The following PTPN2 variants were observed in gnomAD, a reference collection of about 807,000 sequenced individuals.
PTPN2 encodes the protein tyrosine-protein phosphatase non-receptor type 2.
In PTPN2, 19 loss-of-function variants were observed where a neutral mutation model predicts 57.3. That is an observed-to-expected ratio of 0.33 (90% CI 0.23 to 0.49). The LOEUF is 0.49. Among genes scored for constraint, PTPN2 ranks in the 20% least tolerant of loss-of-function variants. PTPN2 has a pLI of 0.99. For missense variants in PTPN2, 358 were observed against 501.1 expected (o/e 0.71, Z 2.73); for synonymous variants, 153 against 164.9 (o/e 0.93, Z 0.55).
At chr18:12,791,333 TCTTC>T (rs2040978885), downstream of PTPN2, among the ~76,000 whole-genome samples, 1 of 152,332 alleles carries the variant, frequency 6.6e-6, no homozygotes, top group African/African-American at 2.4e-5. Context: ...TATAATTTTT[TCTTC>T]CTTAAGCAAC....
rs779540709 is a variant in PTPN2 at position 12,794,374 on chromosome 18, A to G, written c.1152T>C (p.Tyr384=). 8.7e-6 allele frequency: 14 copies of G among 1,614,100 alleles called. No individual in the cohort carries two copies. In the East Asian group the frequency reaches 8.9e-5, roughly 10 times the overall value. The part of the protein sequence containing the change: ...ENERKRKRWL[Y]WQPILTKMGF... The stretch of plus-strand genomic sequence containing the variant: ...CCATCTTAGTGAGAATAGGTTGCCA[A>G]TATAACCACCTTTTTCTTTTTCGTT... The change falls in exon 9 of 9, where the codon TAT becomes TAC. Residue 384 remains tyrosine, a synonymous_variant. Transcript: ENST00000309660.
In PTPN2 at chr18:12,870,710, C is replaced by T. The variant is rs576622526; in HGVS notation, c.70-11456G>A. Among the ~76,000 whole-genome samples the T allele has an allele frequency of 3.7e-4, 56 of 151,106 alleles. 1 individual carries two copies. Among genetic ancestry groups the T allele is most frequent in the Non-Finnish European group, 2.1e-4 (14 of 67,904 alleles). ...GTTTTTAGTAGAGACGGGGTTTCAC[C>T]GTGTTAGCCAGGATGGTCTCGATCT... On this transcript the variant is annotated intron_variant, in intron 1 of 8. Coordinates refer to ENST00000309660, the MANE Select transcript of PTPN2 (RefSeq NM_002828.4).
chr18:12,825,789 T>C (rs780543945), intron 5 of PTPN2, 21 bp downstream of exon 5: 2 of 1,590,820 alleles, frequency 1.3e-6, no homozygotes, highest in Non-Finnish European at 8.6e-7. Context: ...AGTCCACAAT[T>C]TCGGGCAAGA....
chr18:12,846,590 T>C (rs1379303283), intron 2 of PTPN2, among the ~76,000 whole-genome samples: 2 of 152,230 alleles, frequency 1.3e-5, no homozygotes, highest in Non-Finnish European at 2.9e-5. Context: ...GTTCTGTCAC[T>C]ACAAGACATT....
intron 1 of PTPN2, among the ~76,000 whole-genome samples, chr18:12,870,439 GTGTATATATAT>G (rs2044206597): frequency 1.6e-4 from 5 of 30,362 alleles, no homozygotes; most frequent in Non-Finnish European, 2.3e-4. Context: ...ATATATATAT[GTGTATATATAT>G]ATATATATAT....
intron 1 of PTPN2, among the ~76,000 whole-genome samples, chr18:12,874,431 C>T (rs1365271841): frequency 1.3e-5 from 2 of 149,278 alleles, no homozygotes; most frequent in African/African-American, 2.5e-5. Context: ...CCCGCCCGGC[C>T]TGCCGCCTCG....
intron 2 of PTPN2, among the ~76,000 whole-genome samples, chr18:12,857,014 T>C (rs1472802332): frequency 7.9e-6 from 1 of 127,288 alleles, no homozygotes; most frequent in Non-Finnish European, 1.6e-5. Flanking sequence ...TAAGCCAAGA[T>C]CACGCCACTG....
At position 12,884,217 on chromosome 18, in the gene PTPN2, C is replaced by T. The variant is rs527620984; in HGVS notation, c.-76G>A. On this transcript the variant is annotated 5_prime_UTR_variant, in exon 1 of 9. Coordinates refer to ENST00000309660, the MANE Select transcript of PTPN2 (RefSeq NM_002828.4). ...CAGGCCCCGCACGATCCGGGGAGAG[C>T]GCTGGCGCTGCGGCGCATGCGCGCT... 1.1e-3 allele frequency: 1,306 copies of T among 1,198,962 alleles called. 21 individuals carry two copies. In the African/African-American group the frequency reaches 0.019, roughly 18 times the overall value. 74.3% of individuals were successfully genotyped at this position (1,198,962 alleles called of 1,614,324 possible). A position where few individuals can be genotyped will look rare whatever the true frequency, so the allele number is the denominator to read the frequency against.
intron 5 of PTPN2, among the ~76,000 whole-genome samples, chr18:12,823,968 C>T (rs1396842163): frequency 6.6e-6 from 1 of 152,158 alleles, no homozygotes; most frequent in Non-Finnish European, 1.5e-5. Context: ...CAGGGAAACA[C>T]ATCTATGCCC....
At chr18:12,811,333 G>A (rs1470665761) in intron 7 of PTPN2, among the ~76,000 whole-genome samples, 1 of 152,116 alleles carries the variant, frequency 6.6e-6, no homozygotes, top group Non-Finnish European at 1.5e-5. Context: ...ACTCTTGACT[G>A]AGACCTAGTT....
intron 2 of PTPN2, chr18:12,840,857 C>T (rs964464070): frequency 6.3e-7 from 1 of 1,590,702 alleles, no homozygotes; most frequent in Non-Finnish European, 8.5e-7. Context: ...TCCTCTCTCA[C>T]ATAAACCCCA....
In PTPN2 at chr18:12,850,824, C is replaced by T. The variant is rs374691600; in HGVS notation, c.160+8340G>A. Among the ~76,000 whole-genome samples the T allele has an allele frequency of 2.0e-5, 3 of 152,068 alleles. No homozygotes were observed. The South Asian group carries it at 6.2e-4, about 31-fold the overall frequency. On this transcript the variant is annotated intron_variant, in intron 2 of 8. Transcript: ENST00000309660. The stretch of plus-strand genomic sequence containing the variant: ...GCACAATCTTGGCTCACCGCAACCT[C>T]TGCCTCCCGGATTCAAGCAATTCTC...
rs1598724888 is a variant in PTPN2, at chr18:12,792,952, T to C, written c.*1326A>G. 1.0e-6 allele frequency: 1 copy of C among 984,606 alleles called. No individual in the cohort carries two copies. The highest frequency in any genetic ancestry group is 1.7e-5 in the African/African-American group (1 of 57,218). The allele number at this position is 984,606 out of a possible 1,614,324, so 61.0% of individuals were successfully genotyped here. On this transcript the variant is annotated 3_prime_UTR_variant, in exon 9 of 9. Transcript: ENST00000309660. Reference sequence around the variant, plus strand: ...ACTTAAGCCTTATGCAGAAATCTTATGTGGCATATAAAGAGACAAGGCAGA... The same window carrying C: ...ACTTAAGCCTTATGCAGAAATCTTACGTGGCATATAAAGAGACAAGGCAGA...
In PTPN2 at chr18:12,873,223, G is replaced by GA. The variant is rs1304947911; in HGVS notation, c.69+10849dup. Among the ~76,000 whole-genome samples, 422 of 126,652 alleles carry GA rather than the reference G, an allele frequency of 3.3e-3. 1 individual carries two copies. Among genetic ancestry groups the GA allele is most frequent in the African/African-American group, 7.4e-3 (257 of 34,800 alleles). The allele number at this position is 126,652 out of a possible 152,430, so 83.1% of individuals were successfully genotyped here. The stretch of plus-strand genomic sequence containing the variant: ...TTGACAGAGTAAGACTCCGTCTCAA[G>GA]AAAAAAAAAAAAAAGCCTCTCCCTC... On this transcript the variant is annotated intron_variant, in intron 1 of 8. Coordinates refer to ENST00000309660, the MANE Select transcript of PTPN2 (RefSeq NM_002828.4).
At chr18:12,809,032 T>C (rs2041797567) in intron 7 of PTPN2, among the ~76,000 whole-genome samples, 1 of 152,148 alleles carries the variant, frequency 6.6e-6, no homozygotes, top group African/African-American at 2.4e-5. Context: ...CTGGTCCTTG[T>C]GATGCTAAAG....
chr18:12,877,987 G>A (rs1354186019), intron 1 of PTPN2, among the ~76,000 whole-genome samples: 2 of 151,600 alleles, frequency 1.3e-5, no homozygotes, highest in African/African-American at 2.4e-5. Flanking sequence ...CCGAGATGAC[G>A]CCACTGCACT....
intron 1 of PTPN2, among the ~76,000 whole-genome samples, chr18:12,876,920 C>G (rs2044509751): frequency 1.3e-5 from 2 of 152,228 alleles, no homozygotes; most frequent in South Asian, 4.1e-4. Flanking sequence ...ACGATTCCCT[C>G]TGTGCCACTG....
Position 12,825,964 on chromosome 18 carries a change from T to C in PTPN2, c.361-20A>G, listed in dbSNP as rs748284777. On this transcript the variant is annotated intron_variant, in intron 4 of 8. Coordinates refer to ENST00000309660, the MANE Select transcript of PTPN2 (RefSeq NM_002828.4). The stretch of plus-strand genomic sequence containing the variant: ...TTTAACCTAAATTTAGAAATATGTA[T>C]ATGATTTTTTTTTAGTTTATAGACA... 7.6e-6 allele frequency: 12 copies of C among 1,569,100 alleles called. No individual in the cohort carries two copies. Among genetic ancestry groups the C allele is most frequent in the Middle Eastern group, 1.7e-4 (1 of 5,832 alleles).
intron 1 of PTPN2, among the ~76,000 whole-genome samples, chr18:12,882,762 A>G (rs1434898800): frequency 1.3e-5 from 2 of 152,240 alleles, no homozygotes; most frequent in African/African-American, 2.4e-5. Context: ...TGTGTTCAAG[A>G]AGAAAACGTT....
Sources: allele counts gnomAD v4.1 joint callset (sites outside exome capture counted in the v4.1 genomes callset), GRCh38; gene constraint gnomAD v4.1.1; transcripts MANE v1.5; gene names NCBI Gene and HGNC (gene_info 2026-07-23, HGNC 2026-07-21).